SHROOM3: variants seen among roughly 807,000 people sequenced by gnomAD.
The protein encoded by SHROOM3 is protein Shroom3.
A neutral mutation model predicts 138.6 loss-of-function variants in SHROOM3; 47 were observed. That is an observed-to-expected ratio of 0.34 (90% CI 0.27 to 0.43). The LOEUF is 0.43. Ranked by LOEUF, SHROOM3 falls within the 20% of genes least tolerant of loss-of-function variation. The probability of loss-of-function intolerance (pLI) is 1.00; values close to 1 mark genes in which losing one functional copy is unlikely to be tolerated. For synonymous variants in SHROOM3, 1,062 were observed against 1,063.3 expected, an observed-to-expected ratio of 1.00 and a Z score of 0.02; for missense variants, 2,491 against 2,596.5, an observed-to-expected ratio of 0.96 and a Z score of 0.88.
At chr4:76,483,108 A>G (rs1731652169) in intron 1 of SHROOM3, among the ~76,000 whole-genome samples, 1 of 152,236 alleles carries the variant, frequency 6.6e-6, no homozygotes, top group Non-Finnish European at 1.5e-5. Context: ...TTCATGAATA[A>G]AACACCAAAA....
Position 76,633,527 on chromosome 4 carries a change from G to A in SHROOM3, c.324-76629G>A, listed in dbSNP as rs1174466524. 2.0e-5 allele frequency among the ~76,000 whole-genome samples: 3 copies of A among 151,294 alleles called. No individual in the cohort carries two copies. In the South Asian group the frequency reaches 6.3e-4, roughly 32 times the overall value. On this transcript the variant is annotated intron_variant, in intron 2 of 10. Coordinates refer to ENST00000296043, the MANE Select transcript of SHROOM3 (RefSeq NM_020859.4). The stretch of plus-strand genomic sequence containing the variant: ...AAAAATTAGCCGGGTGTGGTGGCGG[G>A]CGCCTGTAAGTCCCAGCTATGCGGG...
intron 2 of SHROOM3, chr4:76,709,811 C>A: frequency 3.4e-6 from 1 of 292,854 alleles, no homozygotes; most frequent in Non-Finnish European, 6.6e-6. Context: ...CCAGTTTTTC[C>A]CTTATTACCA....
At chr4:76,676,665 A>G (rs1478967543) in intron 2 of SHROOM3, among the ~76,000 whole-genome samples, 1 of 152,076 alleles carries the variant, frequency 6.6e-6, no homozygotes, top group East Asian at 1.9e-4. Flanking sequence ...GAGGAGGGAA[A>G]CCAGGGCATG....
At chr4:76,773,079 A>T (rs6826927) in intron 10 of SHROOM3, among the ~76,000 whole-genome samples, 8,934 of 152,046 alleles carry the variant, frequency 0.059, 292 homozygotes, top group Non-Finnish European at 0.071. Context: ...TTTTGTTTTT[A>T]AAAATAGTGA....
chr4:76,622,761 C>A (rs1735037519), intron 2 of SHROOM3, among the ~76,000 whole-genome samples: 1 of 151,932 alleles, frequency 6.6e-6, no homozygotes, highest in African/African-American at 2.4e-5. Context: ...TTGTTCCCTA[C>A]CCTGTCTTTG....
Position 76,783,215 on chromosome 4 carries a change from A to G in SHROOM3, c.*4038A>G, listed in dbSNP as rs1288701070. ...TAAAATTTAAATAAACAGAAATTGA[A>G]GTTAAATTTAAAAATAAAAATAACC... On this transcript the variant is annotated 3_prime_UTR_variant, in exon 11 of 11. Coordinates refer to ENST00000296043, the MANE Select transcript of SHROOM3 (RefSeq NM_020859.4). 1 of 152,236 alleles carries G rather than the reference A, an allele frequency of 6.6e-6. No individual in the cohort carries two copies. The highest frequency in any genetic ancestry group is 6.5e-5 in the Admixed American group (1 of 15,284). 9.4% of individuals were successfully genotyped at this position (152,236 alleles called of 1,614,324 possible).
At chr4:76,594,783 G>A (rs1734347071) in intron 2 of SHROOM3, among the ~76,000 whole-genome samples, 2 of 152,198 alleles carry the variant, frequency 1.3e-5, no homozygotes, top group South Asian at 4.2e-4. Flanking sequence ...TTTAACAAAT[G>A]GACATTGAGA....
chr4:76,700,516 C>T (rs374004202), intron 2 of SHROOM3, among the ~76,000 whole-genome samples: 2 of 152,178 alleles, frequency 1.3e-5, no homozygotes, highest in East Asian at 1.9e-4. Flanking sequence ...GGGCTGCTCT[C>T]ATGGTCTCTT....
At chr4:76,728,699 A>G (rs1199633694) in intron 3 of SHROOM3, among the ~76,000 whole-genome samples, 3 of 152,032 alleles carry the variant, frequency 2.0e-5, no homozygotes, top group African/African-American at 7.2e-5. Flanking sequence ...GTTCCTTTAT[A>G]GTTTCCAGGT....
rs1369147202 is a variant in SHROOM3, at chr4:76,766,614, C to T, written c.5350-4012C>T. Among the ~76,000 whole-genome samples, 7 of 152,266 alleles carry T rather than the reference C, an allele frequency of 4.6e-5. No homozygotes were observed. The South Asian group carries it at 1.5e-3, about 32-fold the overall frequency. On this transcript the variant is annotated intron_variant, in intron 9 of 10. Coordinates refer to ENST00000296043, the MANE Select transcript of SHROOM3 (RefSeq NM_020859.4). ...AACAAAACACACCTCTTCTCCCTCC[C>T]CCGGTGAGTTATTCTGGTAGACATT...
chr4:76,668,506 G>A (rs1718782286), intron 2 of SHROOM3, among the ~76,000 whole-genome samples: 1 of 152,176 alleles, frequency 6.6e-6, no homozygotes, highest in South Asian at 2.1e-4. Context: ...CAAGGAGGCA[G>A]AGGTTGCAGT....
intron 9 of SHROOM3, among the ~76,000 whole-genome samples, chr4:76,760,805 C>T (rs17002201): frequency 0.14 from 21,771 of 152,130 alleles, 1,713 homozygotes; most frequent in East Asian, 0.22. Context: ...TTTAACGGGT[C>T]CCCTGATTGC....
intron 2 of SHROOM3, among the ~76,000 whole-genome samples, chr4:76,565,569 A>T (rs1733704657): frequency 1.3e-5 from 2 of 152,104 alleles, no homozygotes; most frequent in South Asian, 4.1e-4. Context: ...CACAGCCTTG[A>T]CCTTCTGGGA....
intron 2 of SHROOM3, among the ~76,000 whole-genome samples, chr4:76,663,669 A>G (rs1369913203): frequency 6.6e-6 from 1 of 152,220 alleles, no homozygotes; most frequent in Non-Finnish European, 1.5e-5. Flanking sequence ...AGCTGGGATT[A>G]TAGGTGCACA....
At chr4:76,479,067 CTCT>C (rs1403556754) in intron 1 of SHROOM3, among the ~76,000 whole-genome samples, 2 of 152,038 alleles carry the variant, frequency 1.3e-5, no homozygotes, top group Non-Finnish European at 1.5e-5. Flanking sequence ...ACCAGAACGC[CTCT>C]TCTTCTCCAA....
At chr4:76,606,005 ATAT>A (rs1282147948) in intron 2 of SHROOM3, among the ~76,000 whole-genome samples, 1 of 102,966 alleles carries the variant, frequency 9.7e-6, no homozygotes, top group Non-Finnish European at 1.9e-5. Flanking sequence ...ATATATATAT[ATAT>A]TTTTTTTTTT....
chr4:76,683,428 C>T (rs901957219), intron 2 of SHROOM3, among the ~76,000 whole-genome samples: 1 of 152,122 alleles, frequency 6.6e-6, no homozygotes, highest in Admixed American at 6.6e-5. Flanking sequence ...TAGTGTTTCT[C>T]CTGACCTCCT....
At chr4:76,750,916 A>T (rs188580092) in intron 6 of SHROOM3, among the ~76,000 whole-genome samples, 1 of 152,190 alleles carries the variant, frequency 6.6e-6, no homozygotes, top group Non-Finnish European at 1.5e-5. Flanking sequence ...TTCTTCAGCA[A>T]TTGACATTAG....
intron 1 of SHROOM3, among the ~76,000 whole-genome samples, chr4:76,456,615 T>A (rs1032997963): frequency 6.6e-6 from 1 of 152,158 alleles, no homozygotes; most frequent in Non-Finnish European, 1.5e-5. Flanking sequence ...AGCAAAAACT[T>A]CGAAAAATCT....
Sources: gnomAD v4.1 joint callset for allele counts (sites outside exome capture counted in the v4.1 genomes callset) on GRCh38, gnomAD v4.1.1 for gene constraint, MANE v1.5 for transcripts, NCBI Gene and HGNC (gene_info 2026-07-23, HGNC 2026-07-21) for gene names.